Variants in ANKRD44 observed in about 807,000 individuals in gnomAD.
ANKRD44 encodes the protein ankyrin repeat domain 44, also known as serine/threonine-protein phosphatase 6 regulatory ankyrin repeat subunit B.
Under a neutral mutation model 116.0 loss-of-function variants are expected in ANKRD44, and 35 were observed. The ratio of observed to expected loss-of-function variants is 0.30; its 90% confidence interval spans 0.23 to 0.40. The LOEUF is 0.40. ANKRD44 is among the 10% of genes least tolerant of loss of function. ANKRD44 has a pLI of 1.00. For synonymous variants in ANKRD44, 435 were observed against 461.8 expected, an observed-to-expected ratio of 0.94 and a Z score of 0.74; for missense variants, 1,014 against 1,242.6, an observed-to-expected ratio of 0.82 and a Z score of 2.77.
At chr2:197,015,965 G>A (rs1464427272) in intron 17 of ANKRD44, 5 of 543,008 alleles carry the variant, frequency 9.2e-6, no homozygotes, top group Non-Finnish European at 1.8e-5. Flanking sequence ...CCCTATGGTG[G>A]TGGTTGGGTC....
chr2:197,121,343 C>T lies in ANKRD44; in HGVS notation c.895G>A (p.Val299Ile), dbSNP rs2078848323. The T allele has an allele frequency of 6.2e-7, 1 of 1,614,002 alleles. No homozygotes were observed. Among genetic ancestry groups the T allele is most frequent in the African/African-American group, 1.3e-5 (1 of 74,928 alleles). The change falls in exon 8 of 28, where the codon GTT (valine) becomes ATT (isoleucine). Residue 299 changes from valine to isoleucine, a missense_variant. Transcript: ENST00000282272. Reference protein sequence around the residue: ...LELLVNNGADVNIQSKDGKSP... With the variant: ...LELLVNNGADINIQSKDGKSP... ...TAAGAGTGTCATACCTGAATGTTAA[C>T]ATCTGCCCCGTTGTTTACTAACAAT...
At position 197,042,186 on chromosome 2, in the gene ANKRD44, G is replaced by A. The variant is rs184894875; in HGVS notation, c.1651-16919C>T. 2.0e-5 allele frequency among the ~76,000 whole-genome samples: 3 copies of A among 152,136 alleles called. No homozygotes were observed. In the East Asian group the frequency reaches 5.8e-4, roughly 29 times the overall value. On this transcript the variant is annotated intron_variant, in intron 16 of 27. Coordinates refer to ENST00000282272, the MANE Select transcript of ANKRD44 (RefSeq NM_001195144.2). ...CTACTTTGAGTCTTTCCACTGCGGG[G>A]TCCACCTTAGCCACACACTATCCTC...
At position 197,001,157 on chromosome 2, in the gene ANKRD44, G is replaced by T. The variant is rs561180140; in HGVS notation, c.2435+596C>A. ...TCAAATGACTCAGTTTCATATAAAG[G>T]CCAGAGACAATGTAAAGACAAAGAA... On this transcript the variant is annotated intron_variant, in intron 22 of 27. Coordinates refer to ENST00000282272, the MANE Select transcript of ANKRD44 (RefSeq NM_001195144.2). Among the ~76,000 whole-genome samples the T allele has an allele frequency of 2.6e-5, 4 of 152,202 alleles. No individual in the cohort carries two copies. The South Asian group carries it at 8.3e-4, about 32-fold the overall frequency.
intron 16 of ANKRD44, among the ~76,000 whole-genome samples, chr2:197,074,087 T>C (rs1454980855): frequency 6.6e-6 from 1 of 152,208 alleles, no homozygotes; most frequent in Non-Finnish European, 1.5e-5. Context: ...TATATTCACA[T>C]CTGAGAGGAT....
At chr2:197,078,654 G>T in intron 16 of ANKRD44, 49 bp downstream of exon 16, 1 of 1,598,538 alleles carries the variant, frequency 6.3e-7, no homozygotes, top group Non-Finnish European at 8.5e-7. Context: ...CTGTGATTTG[G>T]GGTATGTGTG....
chr2:197,296,544 A>G (rs1225445921), intron 1 of ANKRD44: 1 of 152,192 alleles, frequency 6.6e-6, no homozygotes, highest in African/African-American at 2.4e-5. Flanking sequence ...CTAACAGTCA[A>G]TCTCCTTCCC....
intron 2 of ANKRD44, among the ~76,000 whole-genome samples, chr2:197,153,985 T>C (rs1158257605): frequency 1.3e-5 from 2 of 152,144 alleles, no homozygotes; most frequent in Admixed American, 6.5e-5. Flanking sequence ...TGCATACATG[T>C]GAGAATTTCT....
chr2:197,054,302 C>T lies in ANKRD44; in HGVS notation c.1650+24401G>A, dbSNP rs1047677236. ...ATGATCAACAAAGAACTGAGAGAAACGGTTTGTTTTGCTATAATACTAAGA... is the reference window on the plus strand; with the variant it reads ...ATGATCAACAAAGAACTGAGAGAAATGGTTTGTTTTGCTATAATACTAAGA... On this transcript the variant is annotated intron_variant, in intron 16 of 27. Coordinates refer to ENST00000282272, the MANE Select transcript of ANKRD44 (RefSeq NM_001195144.2). Among the ~76,000 whole-genome samples, 6 of 152,072 alleles carry T rather than the reference C, an allele frequency of 3.9e-5. No individual in the cohort carries two copies. In the East Asian group the frequency reaches 5.8e-4, roughly 15 times the overall value.
chr2:197,237,063 G>C (rs914906646), intron 1 of ANKRD44, among the ~76,000 whole-genome samples: 8 of 152,064 alleles, frequency 5.3e-5, no homozygotes, highest in African/African-American at 1.9e-4. Context: ...ATGAGAGGCA[G>C]CATAGACTCG....
At chr2:197,215,368 A>G (rs2081421400) in intron 1 of ANKRD44, among the ~76,000 whole-genome samples, 1 of 152,178 alleles carries the variant, frequency 6.6e-6, no homozygotes, top group Non-Finnish European at 1.5e-5. Context: ...GCTATTTTGC[A>G]TGTCATTGGC....
chr2:197,085,867 C>T (rs572238654), intron 13 of ANKRD44, among the ~76,000 whole-genome samples: 2 of 152,182 alleles, frequency 1.3e-5, no homozygotes, highest in Admixed American at 6.5e-5. Flanking sequence ...GATACAAGAA[C>T]CCTCTCTTGG....
chr2:197,236,322 C>A (rs1362104992), intron 1 of ANKRD44, among the ~76,000 whole-genome samples: 2 of 152,092 alleles, frequency 1.3e-5, no homozygotes, highest in African/African-American at 4.8e-5. Flanking sequence ...ACACGACCTG[C>A]CCCAAAATCA....
chr2:197,219,070 C>CTT (rs1185156257), intron 1 of ANKRD44, among the ~76,000 whole-genome samples: 49 of 113,076 alleles, frequency 4.3e-4, no homozygotes, highest in South Asian at 2.0e-3. Context: ...GCTAAAGTTC[C>CTT]TTTTTTTTTT....
rs752773537 is a variant in ANKRD44 at position 197,000,469 on chromosome 2, C to T, written c.2469G>A (p.Leu823=). 4.3e-6 allele frequency: 7 copies of T among 1,613,972 alleles called. No individual in the cohort carries two copies. The highest frequency in any genetic ancestry group is 5.9e-6 in the Non-Finnish European group (7 of 1,180,012). ...INDHGNCASL[L]LGAIDSSIVS... ...CGATACTGGAATCTATGGCCCCAAG[C>T]AGCAATGATGCACAATTCCCATGAT... Residue 823 remains leucine (L), a synonymous_variant, in exon 23 of 28, where the codon CTG becomes CTA. Transcript: ENST00000282272.
intron 1 of ANKRD44, among the ~76,000 whole-genome samples, chr2:197,239,193 C>G (rs1290464414): frequency 1.3e-5 from 2 of 152,206 alleles, no homozygotes; most frequent in Non-Finnish European, 2.9e-5. Context: ...CATAAATCCT[C>G]TTGCCAGAAT....
At chr2:197,109,950 C>T (rs2078525577) in intron 9 of ANKRD44, among the ~76,000 whole-genome samples, 2 of 150,886 alleles carry the variant, frequency 1.3e-5, no homozygotes, top group South Asian at 4.2e-4. Context: ...ATTACTGTGA[C>T]TTTCCCAGGT....
intron 1 of ANKRD44, among the ~76,000 whole-genome samples, chr2:197,224,254 G>A (rs2081649722): frequency 6.6e-6 from 1 of 152,172 alleles, no homozygotes; most frequent in Non-Finnish European, 1.5e-5. Context: ...GATTAAAAAA[G>A]TTAAATGGAA....
chr2:197,073,511 CCTT>C (rs755474047), intron 16 of ANKRD44, among the ~76,000 whole-genome samples: 13 of 152,152 alleles, frequency 8.5e-5, no homozygotes, highest in Non-Finnish European at 1.8e-4. Context: ...CCAAACACAG[CCTT>C]CTTCTTATTT....
intron 1 of ANKRD44, among the ~76,000 whole-genome samples, chr2:197,249,141 T>C (rs957499607): frequency 6.6e-6 from 1 of 152,048 alleles, no homozygotes; most frequent in African/African-American, 2.4e-5. Context: ...AGCATGGTGG[T>C]GCACACCTGA....
Sources: gnomAD v4.1 joint callset for allele counts (sites outside exome capture counted in the v4.1 genomes callset) on GRCh38, gnomAD v4.1.1 for gene constraint, MANE v1.5 for transcripts, NCBI Gene and HGNC (gene_info 2026-07-23, HGNC 2026-07-21) for gene names.